Variants in DNAH5 observed in about 807,000 individuals in gnomAD.
The protein encoded by DNAH5 is dynein axonemal heavy chain 5.
Under a neutral mutation model 518.2 loss-of-function variants are expected in DNAH5, and 372 were observed. That is an observed-to-expected ratio of 0.72 (90% CI 0.66 to 0.78). DNAH5 has a LOEUF of 0.78. Ranked by LOEUF, DNAH5 falls within the 30% of genes least tolerant of loss-of-function variation. The pLI is 0.00. For synonymous variants in DNAH5, 2,039 were observed against 2,025.9 expected (o/e 1.01, Z -0.17); for missense variants, 5,523 against 5,687.0 (o/e 0.97, Z 0.93).
At position 13,919,183 on chromosome 5, in the gene DNAH5, A is replaced by G. The variant is rs1776980947; in HGVS notation, c.968T>C (p.Leu323Pro). 1 of 1,613,982 alleles carries G rather than the reference A, an allele frequency of 6.2e-7. No individual in the cohort carries two copies. The highest frequency in any genetic ancestry group is 8.5e-7 in the Non-Finnish European group (1 of 1,179,858). Residue 323 changes from leucine to proline, a missense_variant, in exon 7 of 79, where the codon CTG becomes CCG. Coordinates refer to ENST00000265104, the MANE Select transcript of DNAH5 (RefSeq NM_001369.3). ...LAVLAAAKSK[L>P]LKTWREMDIR... ...AATGAAATGGCTGACGACCTTCAGC[A>G]GTTTCGACTTGGCCGCCGCAAGCAC...
intron 58 of DNAH5, among the ~76,000 whole-genome samples, chr5:13,766,990 A>G (rs1405000410): frequency 6.6e-6 from 1 of 151,646 alleles, no homozygotes; most frequent in African/African-American, 2.4e-5. Flanking sequence ...ATCAAAAGAC[A>G]GTAACCAATG....
At chr5:13,692,617 C>A (rs1363893944) in intron 78 of DNAH5, among the ~76,000 whole-genome samples, 2 of 152,156 alleles carry the variant, frequency 1.3e-5, no homozygotes, top group Non-Finnish European at 2.9e-5. Context: ...CCTCCCCACC[C>A]CCCAGCTAAA....
chr5:13,934,963 C>T (rs933477693), intron 1 of DNAH5, among the ~76,000 whole-genome samples: 1 of 152,186 alleles, frequency 6.6e-6, no homozygotes, highest in African/African-American at 2.4e-5. Context: ...TTCTGCCTTC[C>T]TGGCAGGGAG....
chr5:13,990,458 C>G (rs1388729734), intron 1 of DNAH5, among the ~76,000 whole-genome samples: 1 of 152,048 alleles, frequency 6.6e-6, no homozygotes, highest in Admixed American at 6.5e-5. Context: ...GAGGCTGAGG[C>G]GGAAGAATGG....
chr5:13,874,493 T>C (rs1362396676), intron 22 of DNAH5, among the ~76,000 whole-genome samples: 1 of 151,100 alleles, frequency 6.6e-6, no homozygotes, highest in African/African-American at 2.5e-5. Context: ...CAAGGTTATT[T>C]TGATTGTTTG....
At chr5:13,718,541 T>G (rs1203572891) in intron 72 of DNAH5, among the ~76,000 whole-genome samples, 1 of 152,234 alleles carries the variant, frequency 6.6e-6, no homozygotes, top group Non-Finnish European at 1.5e-5. Context: ...ATTCAGACTC[T>G]CCTCTTGGAA....
Position 13,810,280 on chromosome 5 carries a change from T to C in DNAH5, c.7408-20A>G, listed in dbSNP as rs1331418125. On this transcript the variant is annotated intron_variant, in intron 44 of 78. Coordinates refer to ENST00000265104, the MANE Select transcript of DNAH5 (RefSeq NM_001369.3). ...TTGCTCCTGAGAAGGAAAGACACTT[T>C]TTTTTAATAACTTGATTCTGAAACC... The C allele has an allele frequency of 1.9e-6, 3 of 1,548,134 alleles. No individual in the cohort carries two copies. Among genetic ancestry groups the C allele is most frequent in the Middle Eastern group, 1.7e-4 (1 of 6,008 alleles).
intron 42 of DNAH5, among the ~76,000 whole-genome samples, chr5:13,816,325 C>G (rs909948536): frequency 1.3e-5 from 2 of 152,150 alleles, no homozygotes; most frequent in Non-Finnish European, 2.9e-5. Flanking sequence ...TAGCATTCCT[C>G]TTAATTTCTC....
At chr5:14,003,391 A>C in intron 1 of DNAH5, among the ~76,000 whole-genome samples, 1 of 152,246 alleles carries the variant, frequency 6.6e-6, no homozygotes, top group Non-Finnish European at 1.5e-5. Context: ...AGATTCACTT[A>C]TAATGTGAGC....
At chr5:13,876,656 G>A (rs1056000342) in intron 22 of DNAH5, 28 bp downstream of exon 22, 2 of 1,609,884 alleles carry the variant, frequency 1.2e-6, no homozygotes, top group Non-Finnish European at 1.7e-6. Context: ...AAAGCAAAAG[G>A]TCCGGCTGCC....
intron 1 of DNAH5, among the ~76,000 whole-genome samples, chr5:13,972,506 A>T (rs1781946008): frequency 6.6e-6 from 1 of 152,196 alleles, no homozygotes; most frequent in African/African-American, 2.4e-5. Context: ...GAGTGCCCAC[A>T]GGACTCTTCC....
At chr5:13,719,186 T>C in intron 71 of DNAH5, 85 bp from the exon 72 acceptor site, 1 of 1,073,384 alleles carries the variant, frequency 9.3e-7, no homozygotes. Context: ...ATTAAGTAAT[T>C]AAAATTTAAT....
chr5:13,866,284 T>C lies in DNAH5; in HGVS notation c.4054-2A>G, dbSNP rs1769239782. ...CAAGCCGCTAGCCATTGGACCATTCTGAACAAAAAGTAAAAAAAGAAAAAT... is the reference window on the plus strand; with the variant it reads ...CAAGCCGCTAGCCATTGGACCATTCCGAACAAAAAGTAAAAAAAGAAAAAT... On this transcript the variant is annotated splice_acceptor_variant, in intron 25 of 78. Coordinates refer to ENST00000265104, the MANE Select transcript of DNAH5 (RefSeq NM_001369.3). LOFTEE classifies it high-confidence loss of function. 1.2e-6 allele frequency: 2 copies of C among 1,612,598 alleles called. No individual in the cohort carries two copies. Among genetic ancestry groups the C allele is most frequent in the Admixed American group, 3.3e-5 (2 of 59,832 alleles).
At position 13,840,826 on chromosome 5, in the gene DNAH5, A is replaced by G; in HGVS notation, c.5709+80T>C. ...TTAATTTTTTCCTTGAATTCAATCA[A>G]ACTAGTTCTACTGGGTAAATGCAGA... On this transcript the variant is annotated intron_variant, in intron 34 of 78. Coordinates refer to ENST00000265104, the MANE Select transcript of DNAH5 (RefSeq NM_001369.3). 2.6e-6 allele frequency: 3 copies of G among 1,171,762 alleles called. No homozygotes were observed. The South Asian group carries it at 3.8e-5, about 15-fold the overall frequency. The allele number at this position is 1,171,762 out of a possible 1,614,324, so 72.6% of individuals were successfully genotyped here.
chr5:13,809,203 A>G lies in DNAH5; in HGVS notation c.7610-17T>C, dbSNP rs1358391897. On this transcript the variant is annotated splice_polypyrimidine_tract_variant and intron_variant, in intron 45 of 78. Transcript: ENST00000265104. ...TCCATGTACCTAAGGTGAGCAGAGG[A>G]CATTTCCATCTCCATATTAATAATT... The G allele has an allele frequency of 1.2e-6, 2 of 1,613,804 alleles. No individual in the cohort carries two copies. Among genetic ancestry groups the G allele is most frequent in the Admixed American group, 1.7e-5 (1 of 59,998 alleles).
chr5:13,737,906 C>CA (rs1747790896), intron 65 of DNAH5, among the ~76,000 whole-genome samples: 2 of 151,420 alleles, frequency 1.3e-5, no homozygotes, highest in Non-Finnish European at 2.9e-5. Flanking sequence ...TACTAAAATA[C>CA]AAAAAAATTA....
chr5:13,805,170 A>T (rs1220449599), intron 47 of DNAH5, among the ~76,000 whole-genome samples: 1 of 152,056 alleles, frequency 6.6e-6, no homozygotes, highest in Non-Finnish European at 1.5e-5. Context: ...ATATCAGTTG[A>T]CCTGGGAGGG....
rs548366590 is a variant in DNAH5, at chr5:13,761,437, C to T, written c.10281+1285G>A. On this transcript the variant is annotated intron_variant, in intron 60 of 78. Coordinates refer to ENST00000265104, the MANE Select transcript of DNAH5 (RefSeq NM_001369.3). ...TGAAACCCCATCTCTACTAAAAATA[C>T]AAAAAATTAGCCAGGCATGGTGGTG... Among the ~76,000 whole-genome samples the T allele has an allele frequency of 1.7e-3, 265 of 151,910 alleles. 1 individual carries two copies. The highest frequency in any genetic ancestry group is 5.9e-3 in the African/African-American group (243 of 41,450).
chr5:13,835,209 T>G (rs1350289090), intron 35 of DNAH5, among the ~76,000 whole-genome samples: 2 of 151,108 alleles, frequency 1.3e-5, no homozygotes, highest in Non-Finnish European at 2.9e-5. Flanking sequence ...CACTTGAACC[T>G]GGGAGGTTGC....
Sources: allele counts gnomAD v4.1 joint callset (sites outside exome capture counted in the v4.1 genomes callset), GRCh38; gene constraint gnomAD v4.1.1; transcripts MANE v1.5; gene names NCBI Gene and HGNC (gene_info 2026-07-23, HGNC 2026-07-21).